Variants in MAPKAPK2 observed in about 807,000 individuals in gnomAD.
MAPKAPK2 encodes MAP kinase-activated protein kinase 2.
MAPKAPK2 carries 9 observed loss-of-function variants against 48.8 expected under a neutral mutation model. The ratio of observed to expected loss-of-function variants is 0.18; its 90% confidence interval spans 0.11 to 0.32. MAPKAPK2 has a LOEUF of 0.32. MAPKAPK2 is among the 10% of genes least tolerant of loss of function. The pLI, the probability that MAPKAPK2 is intolerant of heterozygous loss-of-function variation, is 1.00. For synonymous variants in MAPKAPK2, 202 were observed against 190.6 expected (o/e 1.06, Z -0.49); for missense variants, 331 against 498.3 (o/e 0.66, Z 3.20).
chr1:206,696,821 C>G (rs1171505133), intron 1 of MAPKAPK2, among the ~76,000 whole-genome samples: 1 of 152,206 alleles, frequency 6.6e-6, no homozygotes, highest in African/African-American at 2.4e-5. Flanking sequence ...ATGTGATGTA[C>G]TAGAGGTAAT....
intron 1 of MAPKAPK2, among the ~76,000 whole-genome samples, chr1:206,699,906 ATGTC>A (rs545589345): frequency 6.7e-5 from 10 of 150,048 alleles, no homozygotes; most frequent in Non-Finnish European, 1.5e-4. Context: ...AAGTTGCAAC[ATGTC>A]TGTCTGTCTT....
rs1427124834 is a variant in MAPKAPK2, at chr1:206,732,902, G to A, written c.*184G>A. The A allele has an allele frequency of 3.1e-6, 2 of 650,656 alleles. No homozygotes were observed. The highest frequency in any genetic ancestry group is 5.0e-6 in the Non-Finnish European group (2 of 398,212). 40.3% of individuals were successfully genotyped at this position (650,656 alleles called of 1,614,324 possible). A position where few individuals can be genotyped will look rare whatever the true frequency, so the allele number is the denominator to read the frequency against. ...GCCACCCCAGAGTGGGAGAGGCTGG[G>A]AGGTTGGGAGGCTGTGGAGAGAAGT... On this transcript the variant is annotated 3_prime_UTR_variant, in exon 10 of 10. Transcript: ENST00000367103. The surrounding 1 kb of genome is among the most constrained non-coding windows in gnomAD (Gnocchi z 4.4).
intron 1 of MAPKAPK2, among the ~76,000 whole-genome samples, chr1:206,709,906 T>C (rs1553429203): frequency 6.6e-6 from 1 of 152,106 alleles, no homozygotes; most frequent in Non-Finnish European, 1.5e-5. Context: ...CAACAGAAAA[T>C]GCCTTCAGAC....
intron 1 of MAPKAPK2, among the ~76,000 whole-genome samples, chr1:206,695,423 CAT>C (rs1553426851): frequency 6.7e-6 from 1 of 149,782 alleles, no homozygotes; most frequent in African/African-American, 2.5e-5. Context: ...GAGATATCCA[CAT>C]CTTTCCCAGA....
At chr1:206,724,618 G>A (rs953963191) in intron 1 of MAPKAPK2, among the ~76,000 whole-genome samples, 7 of 148,812 alleles carry the variant, frequency 4.7e-5, no homozygotes, top group Non-Finnish European at 4.4e-5. Flanking sequence ...GCAATGACCA[G>A]TCTTCATGGG....
At chr1:206,705,427 G>C (rs1240258110) in intron 1 of MAPKAPK2, among the ~76,000 whole-genome samples, 1 of 152,230 alleles carries the variant, frequency 6.6e-6, no homozygotes, top group African/African-American at 2.4e-5. Context: ...AGACACTCCT[G>C]CTGGAGGGCC....
At chr1:206,709,695 A>G (rs1489092694) in intron 1 of MAPKAPK2, among the ~76,000 whole-genome samples, 3 of 152,216 alleles carry the variant, frequency 2.0e-5, no homozygotes, top group African/African-American at 4.8e-5. Flanking sequence ...TGAGAAAGGT[A>G]CTATTCAAAT....
chr1:206,713,005 C>CACACACA (rs1673208137), intron 1 of MAPKAPK2, among the ~76,000 whole-genome samples: 1 of 150,432 alleles, frequency 6.6e-6, no homozygotes, highest in Non-Finnish European at 1.5e-5. Flanking sequence ...CACACACACA[C>CACACACA]TAATAGGTTT....
At chr1:206,705,007 A>C (rs1672908652) in intron 1 of MAPKAPK2, among the ~76,000 whole-genome samples, 1 of 152,220 alleles carries the variant, frequency 6.6e-6, no homozygotes, top group Non-Finnish European at 1.5e-5. Context: ...CAGTGAAAGA[A>C]TCTGTTTAAC....
chr1:206,725,662 T>C (rs1558586737), intron 1 of MAPKAPK2, among the ~76,000 whole-genome samples: 1 of 152,178 alleles, frequency 6.6e-6, no homozygotes, highest in Non-Finnish European at 1.5e-5. Flanking sequence ...CTGGGCCAAG[T>C]CTTCCCTGAT....
chr1:206,714,457 T>C (rs1673257975), intron 1 of MAPKAPK2, among the ~76,000 whole-genome samples: 1 of 152,006 alleles, frequency 6.6e-6, no homozygotes, highest in South Asian at 2.1e-4. Context: ...TTTGTCCCCT[T>C]CCCTTTAAAC....
chr1:206,690,627 G>T (rs1002198385), intron 1 of MAPKAPK2, among the ~76,000 whole-genome samples: 1 of 152,346 alleles, frequency 6.6e-6, no homozygotes, highest in Admixed American at 6.5e-5. Flanking sequence ...GGAGGGCCTG[G>T]AAGAGCCCAG....
chr1:206,720,137 C>T (rs929200764), intron 1 of MAPKAPK2, among the ~76,000 whole-genome samples: 1 of 152,336 alleles, frequency 6.6e-6, no homozygotes, highest in African/African-American at 2.4e-5. Context: ...TTTCCGGAAG[C>T]CCCAGAGATA....
intron 1 of MAPKAPK2, among the ~76,000 whole-genome samples, chr1:206,689,482 G>T (rs1158690181): frequency 6.6e-6 from 1 of 152,194 alleles, no homozygotes; most frequent in East Asian, 1.9e-4. Context: ...GAGTTTGCTG[G>T]AGTTGTCACA....
chr1:206,693,810 A>G (rs986782655), intron 1 of MAPKAPK2, among the ~76,000 whole-genome samples: 1 of 152,196 alleles, frequency 6.6e-6, no homozygotes, highest in African/African-American at 2.4e-5. Flanking sequence ...GGGCTACCAC[A>G]TTCAAAAGTG....
At chr1:206,730,784 GC>G in intron 6 of MAPKAPK2, 21 bp downstream of exon 6, 4 of 1,548,178 alleles carry the variant, frequency 2.6e-6, no homozygotes, top group Non-Finnish European at 3.6e-6. Flanking sequence ...TGGGGAGGGG[GC>G]TGGGTGGGGC....
rs782279440 is a variant in MAPKAPK2, at chr1:206,731,705, A to T, written c.958A>T (p.Met320Leu). ...PTQRMTITEFMNHPWIMQSTK... is the reference protein window; with the variant it reads ...PTQRMTITEFLNHPWIMQSTK... ...CCAGAGAATGACCATCACCGAGTTTATGAACCACCCTTGGATCATGGTAAG... is the reference window on the plus strand; with the variant it reads ...CCAGAGAATGACCATCACCGAGTTTTTGAACCACCCTTGGATCATGGTAAG... Residue 320 changes from methionine (M) to leucine (L), a missense_variant, in exon 8 of 10, where the codon ATG (methionine) becomes TTG (leucine). Met to Leu is a conservative substitution (Grantham distance 15). This residue lies in a region of MAPKAPK2 where 124 missense variants were observed against 194.6 expected (regional missense o/e 0.64). Coordinates refer to ENST00000367103, the MANE Select transcript of MAPKAPK2 (RefSeq NM_032960.4). The surrounding 1 kb of genome is among the most constrained non-coding windows in gnomAD (Gnocchi z 5.9). 6.2e-7 allele frequency: 1 copy of T among 1,614,102 alleles called. No individual in the cohort carries two copies. The highest frequency in any genetic ancestry group is 8.5e-7 in the Non-Finnish European group (1 of 1,179,994).
In MAPKAPK2 at chr1:206,732,369, T is replaced by C; in HGVS notation, c.1060-206T>C. Reference sequence around the variant, plus strand: ...CTCTCAGGGAACAGCAGCAGTGCCATAGCCAGGCTCTCTGCTGCCCAGCGC... The same window carrying C: ...CTCTCAGGGAACAGCAGCAGTGCCACAGCCAGGCTCTCTGCTGCCCAGCGC... On this transcript the variant is annotated intron_variant, in intron 9 of 9. Transcript: ENST00000367103. The surrounding 1 kb of genome is among the most constrained non-coding windows in gnomAD (Gnocchi z 4.4). 6.9e-7 allele frequency: 1 copy of C among 1,446,958 alleles called. No homozygotes were observed. The highest frequency in any genetic ancestry group is 9.1e-7 in the Non-Finnish European group (1 of 1,101,816). 89.6% of individuals were successfully genotyped at this position (1,446,958 alleles called of 1,614,324 possible). A position where few individuals can be genotyped will look rare whatever the true frequency, so the allele number is the denominator to read the frequency against.
intron 1 of MAPKAPK2, among the ~76,000 whole-genome samples, chr1:206,720,678 T>A (rs562799563): frequency 1.3e-5 from 2 of 152,304 alleles, no homozygotes; most frequent in East Asian, 1.9e-4. Flanking sequence ...TTATTTTTTT[T>A]ATATACAGAT....
Sources: allele counts gnomAD v4.1 joint callset (sites outside exome capture counted in the v4.1 genomes callset), GRCh38; gene constraint gnomAD v4.1.1; regional missense constraint gnomAD v4.1.1; non-coding constraint Gnocchi (gnomAD v3.1); transcripts MANE v1.5; gene names NCBI Gene and HGNC (gene_info 2026-07-23, HGNC 2026-07-21).